AP3B1: variants seen among roughly 807,000 people sequenced by gnomAD.
AP3B1 encodes AP-3 complex subunit beta-1.
AP3B1 carries 61 observed loss-of-function variants against 132.5 expected under a neutral mutation model. The ratio of observed to expected loss-of-function variants is 0.46; its 90% confidence interval spans 0.37 to 0.57. The LOEUF (loss-of-function observed/expected upper bound fraction) is 0.57, where lower values mean the gene tolerates loss of function less well. AP3B1 is among the 20% of genes least tolerant of loss of function. The pLI, the probability that AP3B1 is intolerant of heterozygous loss-of-function variation, is 0.00. For synonymous variants in AP3B1, 388 were observed against 438.3 expected, an observed-to-expected ratio of 0.89 and a Z score of 1.43; for missense variants, 1,120 against 1,289.4, an observed-to-expected ratio of 0.87 and a Z score of 2.01.
chr5:78,221,735 G>GA lies in AP3B1; in HGVS notation c.603+3806dup, dbSNP rs543596647. 3.1e-4 allele frequency among the ~76,000 whole-genome samples: 47 copies of GA among 149,656 alleles called. 1 individual carries two copies. In the East Asian group the frequency reaches 3.7e-3, roughly 12 times the overall value. On this transcript the variant is annotated intron_variant, in intron 6 of 26. Coordinates refer to ENST00000255194, the MANE Select transcript of AP3B1 (RefSeq NM_003664.5). ...GCATAAAATAGGAATCCCTGAAAAA[G>GA]AAAAAAAATAACAGAATTAATATTT...
At chr5:78,001,420 A>T (rs1427899884), downstream of AP3B1, 1 of 152,238 alleles carries the variant, frequency 6.6e-6, no homozygotes, top group Non-Finnish European at 1.5e-5. Context: ...TGGCTTCCAT[A>T]CATTGGTACA....
intron 19 of AP3B1, among the ~76,000 whole-genome samples, chr5:78,110,836 G>A (rs540074633): frequency 3.3e-5 from 5 of 151,184 alleles, no homozygotes; most frequent in African/African-American, 1.2e-4. Flanking sequence ...ACGGCTCACT[G>A]CAGCCTTGAC....
chr5:78,024,145 G>A (rs936528203), intron 24 of AP3B1, among the ~76,000 whole-genome samples: 5 of 152,124 alleles, frequency 3.3e-5, no homozygotes, highest in African/African-American at 1.2e-4. Flanking sequence ...GACCAAACCT[G>A]ATGGAGGGGA....
intron 22 of AP3B1, among the ~76,000 whole-genome samples, chr5:78,055,440 T>C (rs2112133155): frequency 6.6e-6 from 1 of 152,368 alleles, no homozygotes; most frequent in African/African-American, 2.4e-5. Flanking sequence ...TGTGCTTGTA[T>C]TTGTATCTAA....
intron 22 of AP3B1, among the ~76,000 whole-genome samples, chr5:78,056,664 T>C (rs1431212966): frequency 6.6e-6 from 1 of 152,234 alleles, no homozygotes; most frequent in Non-Finnish European, 1.5e-5. Context: ...CTAAAAGGTT[T>C]CTAAATGATG....
At chr5:78,193,469 T>C (rs1439029041) in intron 7 of AP3B1, among the ~76,000 whole-genome samples, 1 of 151,822 alleles carries the variant, frequency 6.6e-6, no homozygotes, top group Non-Finnish European at 1.5e-5. Flanking sequence ...TGAAAGACTT[T>C]GAAATCTACT....
At chr5:78,244,304 T>G (rs758356595) in intron 2 of AP3B1, among the ~76,000 whole-genome samples, 4 of 151,978 alleles carry the variant, frequency 2.6e-5, no homozygotes, top group Non-Finnish European at 5.9e-5. Flanking sequence ...TCCCAGTTAC[T>G]TGGGAGGCTG....
intron 17 of AP3B1, among the ~76,000 whole-genome samples, chr5:78,122,603 CAA>C (rs1361353666): frequency 1.3e-5 from 2 of 152,110 alleles, no homozygotes; most frequent in Non-Finnish European, 2.9e-5. Context: ...ACAATTGCTT[CAA>C]AGAGAATAAA....
chr5:78,149,080 T>C (rs1214464422), intron 14 of AP3B1, among the ~76,000 whole-genome samples: 1 of 152,182 alleles, frequency 6.6e-6, no homozygotes, highest in African/African-American at 2.4e-5. Flanking sequence ...CATGTCACTC[T>C]AATTCCCAAT....
chr5:78,093,374 C>G (rs913166705), intron 21 of AP3B1, among the ~76,000 whole-genome samples: 1 of 152,142 alleles, frequency 6.6e-6, no homozygotes, highest in Non-Finnish European at 1.5e-5. Context: ...GTACTTTAAA[C>G]AGAGGAGAAA....
rs574500498 is a variant in AP3B1 at position 78,203,382 on chromosome 5, G to A, written c.786+12673C>T. ...GAATGAGAATAGAGTGAAGGGGAAA[G>A]CCCCTTATAAAACCATCAGATCTTG... On this transcript the variant is annotated intron_variant, in intron 7 of 26. Transcript: ENST00000255194. Among the ~76,000 whole-genome samples, 14 of 152,214 alleles carry A rather than the reference G, an allele frequency of 9.2e-5. No homozygotes were observed. The South Asian group carries it at 1.0e-3, about 11-fold the overall frequency.
intron 24 of AP3B1, 126 bp from the exon 25 acceptor site, chr5:78,020,915 A>G: frequency 1.4e-6 from 1 of 730,420 alleles, no homozygotes; most frequent in South Asian, 1.6e-5. Context: ...TGGTTTAAAC[A>G]TCACAGCTAA....
chr5:78,003,042 T>C lies in AP3B1; in HGVS notation c.3145A>G (p.Thr1049Ala). Residue 1049 changes from threonine (T) to alanine (A), a missense_variant, in exon 27 of 27, where the codon ACT becomes GCT. Physicochemically the swap from Thr to Ala is moderately conservative, Grantham distance 58. Around this residue, in one of 3 missense-constraint regions of AP3B1, gnomAD observed 906 missense variants for 997.1 expected, o/e 0.91. Transcript: ENST00000255194. ...QDNIHRFAAKTVHSGSLMLVT... is the reference protein window; with the variant it reads ...QDNIHRFAAKAVHSGSLMLVT... ...AGCATCAATGACCCACTGTGCACAG[T>C]TTTAGCTGCAAACCTGGAAGAGAAA... 6.2e-7 allele frequency: 1 copy of C among 1,614,166 alleles called. No homozygotes were observed. The highest frequency in any genetic ancestry group is 8.5e-7 in the Non-Finnish European group (1 of 1,180,024).
At chr5:78,098,537 G>A (rs1193121683) in intron 21 of AP3B1, among the ~76,000 whole-genome samples, 1 of 152,082 alleles carries the variant, frequency 6.6e-6, no homozygotes, top group Non-Finnish European at 1.5e-5. Flanking sequence ...TTTAAACTTT[G>A]TAAATTATGA....
In AP3B1 at chr5:78,235,058, G is replaced by A. The variant is rs552266817; in HGVS notation, c.279+5804C>T. Among the ~76,000 whole-genome samples, 11 of 152,106 alleles carry A rather than the reference G, an allele frequency of 7.2e-5. No homozygotes were observed. In the South Asian group the frequency reaches 8.3e-4, roughly 11 times the overall value. Reference sequence around the variant, plus strand: ...TATGTTTAAAGAGAGATAGGGTCTCGCTCTGTTGCCCAGGCTGGCCTCAAA... The same window carrying A: ...TATGTTTAAAGAGAGATAGGGTCTCACTCTGTTGCCCAGGCTGGCCTCAAA... On this transcript the variant is annotated intron_variant, in intron 3 of 26. Coordinates refer to ENST00000255194, the MANE Select transcript of AP3B1 (RefSeq NM_003664.5).
chr5:78,294,421 C>T (rs1311088503), intron 1 of AP3B1, 31 bp downstream of exon 1: 3 of 1,613,772 alleles, frequency 1.9e-6, no homozygotes, highest in South Asian at 2.2e-5. Context: ...CTCCTCCCTC[C>T]CATCCCCGCA....
chr5:78,170,630 T>C (rs1375577436), intron 11 of AP3B1, among the ~76,000 whole-genome samples: 2 of 152,216 alleles, frequency 1.3e-5, no homozygotes, highest in African/African-American at 4.8e-5. Context: ...TTCTGGATAT[T>C]AGCCCTTTGT....
intron 17 of AP3B1, among the ~76,000 whole-genome samples, chr5:78,119,134 C>A (rs1752021341): frequency 6.6e-6 from 1 of 152,206 alleles, no homozygotes; most frequent in African/African-American, 2.4e-5. Context: ...AGGGTCCTGT[C>A]TGTTAGAAGG....
chr5:78,097,242 G>T (rs1387357740), intron 21 of AP3B1, among the ~76,000 whole-genome samples: 1 of 102,616 alleles, frequency 9.7e-6, no homozygotes. Flanking sequence ...AGGTGGGGGG[G>T]TCAGCCCCCC....
Sources: allele counts gnomAD v4.1 joint callset (sites outside exome capture counted in the v4.1 genomes callset), GRCh38; gene constraint gnomAD v4.1.1; regional missense constraint gnomAD v4.1.1; transcripts MANE v1.5; gene names NCBI Gene and HGNC (gene_info 2026-07-23, HGNC 2026-07-21).